Variants in CNTN5 observed in about 807,000 individuals in gnomAD.
CNTN5 encodes contactin 5.
A neutral mutation model predicts 129.1 loss-of-function variants in CNTN5; 77 were observed. That is an observed-to-expected ratio of 0.60 (90% CI 0.50 to 0.72). CNTN5 has a LOEUF of 0.72. Ranked by LOEUF, CNTN5 falls within the 30% of genes least tolerant of loss-of-function variation. The pLI, the probability that CNTN5 is intolerant of heterozygous loss-of-function variation, is 0.00. For missense variants in CNTN5, 1,478 were observed against 1,328.8 expected, an observed-to-expected ratio of 1.11 and a Z score of -1.75; for synonymous variants, 509 against 465.6, an observed-to-expected ratio of 1.09 and a Z score of -1.20.
intron 15 of CNTN5, among the ~76,000 whole-genome samples, chr11:100,220,591 A>C (rs1949242862): frequency 6.6e-6 from 1 of 152,170 alleles, no homozygotes; most frequent in East Asian, 1.9e-4. Flanking sequence ...AGTGAATACC[A>C]ATTTAAAAAC....
At chr11:99,806,958 G>A (rs186434472) in intron 3 of CNTN5, among the ~76,000 whole-genome samples, 27 of 151,866 alleles carry the variant, frequency 1.8e-4, no homozygotes, top group African/African-American at 5.6e-4. Context: ...AAAACACTAC[G>A]GTAAATGAAA....
chr11:99,121,706 G>A (rs1455516213), intron 1 of CNTN5, among the ~76,000 whole-genome samples: 2 of 152,090 alleles, frequency 1.3e-5, no homozygotes, highest in Non-Finnish European at 1.5e-5. Flanking sequence ...AACACCAGAG[G>A]TGGTATCCTG....
intron 1 of CNTN5, among the ~76,000 whole-genome samples, chr11:99,106,189 T>C (rs1866985457): frequency 6.6e-6 from 1 of 152,212 alleles, no homozygotes; most frequent in African/African-American, 2.4e-5. Context: ...ATTTTACTCA[T>C]GATGTCACAC....
intron 3 of CNTN5, among the ~76,000 whole-genome samples, chr11:99,741,995 G>A (rs1292299883): frequency 6.6e-6 from 1 of 151,956 alleles, no homozygotes; most frequent in Non-Finnish European, 1.5e-5. Context: ...TCACAAGTGA[G>A]GAAAATCAGA....
chr11:99,385,866 C>G (rs1471650690), intron 2 of CNTN5, among the ~76,000 whole-genome samples: 4 of 152,106 alleles, frequency 2.6e-5, no homozygotes, highest in African/African-American at 4.8e-5. Flanking sequence ...CCTACAAGAT[C>G]TTTAGACAGT....
chr11:100,086,361 A>C (rs941870954), intron 13 of CNTN5, among the ~76,000 whole-genome samples: 1 of 150,930 alleles, frequency 6.6e-6, no homozygotes, highest in Non-Finnish European at 1.5e-5. Flanking sequence ...AGCTAGAAGG[A>C]AACTTCTGGT....
At chr11:99,918,373 C>A (rs1949848192) in intron 7 of CNTN5, among the ~76,000 whole-genome samples, 1 of 152,036 alleles carries the variant, frequency 6.6e-6, no homozygotes. Context: ...AACAAAAAAC[C>A]AGTTATACAG....
intron 15 of CNTN5, among the ~76,000 whole-genome samples, chr11:100,203,986 A>T (rs1948850501): frequency 6.6e-6 from 1 of 151,764 alleles, no homozygotes. Flanking sequence ...CTGACTTGTA[A>T]GCTTTGCAAA....
intron 3 of CNTN5, among the ~76,000 whole-genome samples, chr11:99,565,452 C>T (rs1418325016): frequency 6.6e-6 from 1 of 152,194 alleles, no homozygotes. Flanking sequence ...ACTTGAGAGA[C>T]TTTATATACA....
chr11:99,930,796 A>ACACACACACACACAC (rs1950174060), intron 7 of CNTN5, among the ~76,000 whole-genome samples: 1 of 149,456 alleles, frequency 6.7e-6, no homozygotes, highest in African/African-American at 2.5e-5. Context: ...CATACACACA[A>ACACACACACACACAC]ACACACACAC....
chr11:99,229,239 C>T (rs1860853092), intron 1 of CNTN5, among the ~76,000 whole-genome samples: 1 of 151,926 alleles, frequency 6.6e-6, no homozygotes, highest in Admixed American at 6.6e-5. Context: ...ATACTGTACT[C>T]AGTGCTAAAT....
chr11:99,174,359 A>G (rs1049555238), intron 1 of CNTN5, among the ~76,000 whole-genome samples: 1 of 152,028 alleles, frequency 6.6e-6, no homozygotes, highest in Non-Finnish European at 1.5e-5. Flanking sequence ...CTCCAATTAG[A>G]CTTGGTTATA....
chr11:100,274,676 G>A (rs973124998), intron 18 of CNTN5, among the ~76,000 whole-genome samples: 6 of 152,124 alleles, frequency 3.9e-5, no homozygotes, highest in Middle Eastern at 3.4e-3. Context: ...CATTAAAACC[G>A]CAAATGAGAT....
intron 3 of CNTN5, among the ~76,000 whole-genome samples, chr11:99,693,438 GGGTT>G (rs1246787820): frequency 2.0e-5 from 3 of 151,948 alleles, no homozygotes; most frequent in African/African-American, 7.3e-5. Flanking sequence ...ATGATTGTAA[GGGTT>G]TTAAAGGAGG....
chr11:100,118,641 G>T (rs1328377646), intron 13 of CNTN5, among the ~76,000 whole-genome samples: 2 of 151,760 alleles, frequency 1.3e-5, no homozygotes, highest in African/African-American at 4.8e-5. Flanking sequence ...TTTGGAAATT[G>T]ATTTTATATT....
intron 1 of CNTN5, among the ~76,000 whole-genome samples, chr11:99,177,440 G>T (rs1053951894): frequency 2.6e-5 from 4 of 152,172 alleles, no homozygotes; most frequent in Admixed American, 2.0e-4. Flanking sequence ...ACGAAATAGG[G>T]CTATTGCTAT....
chr11:99,724,198 T>A (rs1591038581), intron 3 of CNTN5, among the ~76,000 whole-genome samples: 1 of 152,186 alleles, frequency 6.6e-6, no homozygotes, highest in African/African-American at 2.4e-5. Flanking sequence ...GAAATCCTGC[T>A]TGTTCTTCAG....
intron 7 of CNTN5, among the ~76,000 whole-genome samples, chr11:99,944,921 T>C (rs1950521928): frequency 6.6e-6 from 1 of 152,138 alleles, no homozygotes. Flanking sequence ...GTAGTACTTG[T>C]ACTTGGATTG....
intron 3 of CNTN5, among the ~76,000 whole-genome samples, chr11:99,656,285 G>C (rs1342626617): frequency 1.3e-5 from 2 of 152,004 alleles, no homozygotes; most frequent in Non-Finnish European, 2.9e-5. Flanking sequence ...GCATTTTATT[G>C]CTACTCTTTC....
Sources: allele counts gnomAD v4.1 joint callset (sites outside exome capture counted in the v4.1 genomes callset), GRCh38; gene constraint gnomAD v4.1.1; transcripts MANE v1.5; gene names NCBI Gene and HGNC (gene_info 2026-07-23, HGNC 2026-07-21).